The following SLC9D1 variants were observed in gnomAD, a reference collection of about 807,000 sequenced individuals.
SLC9D1 encodes the protein solute carrier family 9 member D1, also known as putative LAG1-interacting protein.
chr13:113,548,395 C>T, the SLC9D1 span: 17 of 1,613,194 alleles, frequency 1.1e-5, no homozygotes, highest in East Asian at 2.2e-5. Flanking sequence ...CCCAGGTCAG[C>T]GAGTTTTCCT....
chr13:113,496,535 G>A, the SLC9D1 span, among the ~76,000 whole-genome samples: 55,420 of 151,944 alleles, frequency 0.36, 11,426 homozygotes, highest in African/African-American at 0.56. Flanking sequence ...TAAAATGATG[G>A]GAAGTTTCTG....
chr13:113,498,201 A>G, the SLC9D1 span: 2 of 593,476 alleles, frequency 3.4e-6, no homozygotes, highest in Non-Finnish European at 5.4e-6. Flanking sequence ...TAACTAGGAC[A>G]CGTGACTTCC....
At chr13:113,531,854 A>G in the SLC9D1 span, among the ~76,000 whole-genome samples, 2 of 152,218 alleles carry the variant, frequency 1.3e-5, no homozygotes. Context: ...TGTGCATTTA[A>G]TGGACACTGT....
chr13:113,531,444 A>G, the SLC9D1 span, among the ~76,000 whole-genome samples: 1 of 152,078 alleles, frequency 6.6e-6, no homozygotes, highest in African/African-American at 2.4e-5. Context: ...ACACGCGTGG[A>G]CCTGCAGGTG....
At chr13:113,491,924 T>G in the SLC9D1 span, among the ~76,000 whole-genome samples, 5 of 152,256 alleles carry the variant, frequency 3.3e-5, no homozygotes, top group African/African-American at 1.2e-4. Context: ...TACCGGCTTT[T>G]TCAAAAGGAG....
At chr13:113,509,406 G>C in the SLC9D1 span, among the ~76,000 whole-genome samples, 1 of 149,728 alleles carries the variant, frequency 6.7e-6, no homozygotes, top group Non-Finnish European at 1.5e-5. Context: ...GCCTGTCTAT[G>C]TTGGGACTGG....
chr13:113,524,334 A>G, the SLC9D1 span, among the ~76,000 whole-genome samples: 1 of 152,048 alleles, frequency 6.6e-6, no homozygotes, highest in Non-Finnish European at 1.5e-5. Context: ...TGTTATCATT[A>G]TGTAATATTT....
the SLC9D1 span, among the ~76,000 whole-genome samples, chr13:113,546,255 G>A: frequency 1.3e-4 from 20 of 152,130 alleles, no homozygotes; most frequent in Non-Finnish European, 1.2e-4. This position sits in a 1 kb window ranked among gnomAD's most constrained non-coding sequence, Gnocchi z 7.1. Flanking sequence ...AGGGGAAGCA[G>A]GACTGGGGCC....
chr13:113,521,363 T>A, the SLC9D1 span, among the ~76,000 whole-genome samples: 2 of 150,362 alleles, frequency 1.3e-5, no homozygotes, highest in Non-Finnish European at 3.0e-5. Context: ...TCTGCATGCA[T>A]GTGTGGTGTG....
At chr13:113,540,513 C>A in the SLC9D1 span, among the ~76,000 whole-genome samples, 3 of 152,190 alleles carry the variant, frequency 2.0e-5, no homozygotes, top group Non-Finnish European at 4.4e-5. Flanking sequence ...TTTCCACATA[C>A]GTGTTGTGTT....
the SLC9D1 span, among the ~76,000 whole-genome samples, chr13:113,539,897 T>C: frequency 6.6e-6 from 1 of 152,084 alleles, no homozygotes; most frequent in Non-Finnish European, 1.5e-5. The surrounding 1 kb of genome is among the most constrained non-coding windows in gnomAD (Gnocchi z 4.8). Context: ...CAGGCCCCAG[T>C]GTCTCTTGCT....
At chr13:113,497,386 G>A in the SLC9D1 span, among the ~76,000 whole-genome samples, 3 of 148,350 alleles carry the variant, frequency 2.0e-5, no homozygotes, top group Non-Finnish European at 3.0e-5. Flanking sequence ...GACCAGCTGT[G>A]TGTGAGACCT....
chr13:113,495,388 GA>G, the SLC9D1 span: 1 of 509,406 alleles, frequency 2.0e-6, no homozygotes, highest in Non-Finnish European at 3.4e-6. Flanking sequence ...ATTTATCTAG[GA>G]AAAATGAGAA....
the SLC9D1 span, chr13:113,539,580 G>T: frequency 2.0e-6 from 3 of 1,465,784 alleles, no homozygotes; most frequent in Non-Finnish European, 2.8e-6. This position sits in a 1 kb window ranked among gnomAD's most constrained non-coding sequence, Gnocchi z 4.8. Flanking sequence ...ATGTTTACGT[G>T]CATATATATT....
At chr13:113,511,853 T>C in the SLC9D1 span, 10 of 152,418 alleles carry the variant, frequency 6.6e-5, no homozygotes, top group Admixed American at 2.6e-4. Context: ...ACTGCCCTTA[T>C]GGACAGAGAA....
chr13:113,519,607 G>A, the SLC9D1 span, among the ~76,000 whole-genome samples: 14 of 152,278 alleles, frequency 9.2e-5, no homozygotes, highest in African/African-American at 2.4e-4. Flanking sequence ...TTTGTCTGCC[G>A]GGCCCGCCTT....
the SLC9D1 span, chr13:113,528,684 C>T: frequency 6.6e-6 from 1 of 152,050 alleles, no homozygotes; most frequent in African/African-American, 2.4e-5. Context: ...GGTTAGAGTT[C>T]ACTCGCTAGA....
the SLC9D1 span, among the ~76,000 whole-genome samples, chr13:113,499,759 G>C: frequency 6.6e-6 from 1 of 152,174 alleles, no homozygotes; most frequent in East Asian, 1.9e-4. Context: ...TGAAAGAATG[G>C]TGAAGTAGAT....
At chr13:113,520,120 T>C in the SLC9D1 span, among the ~76,000 whole-genome samples, 1 of 152,336 alleles carries the variant, frequency 6.6e-6, no homozygotes, top group African/African-American at 2.4e-5. Flanking sequence ...GTTCTGATGA[T>C]TTGCTCTACA....
Sources: gnomAD v4.1 joint callset for allele counts (sites outside exome capture counted in the v4.1 genomes callset) on GRCh38, gnomAD v4.1.1 for gene constraint, Gnocchi (gnomAD v3.1) non-coding constraint, MANE v1.5 for transcripts, NCBI Gene and HGNC (gene_info 2026-07-23, HGNC 2026-07-21) for gene names.